SH3BP2: variants seen among roughly 807,000 people sequenced by gnomAD.
SH3BP2 encodes SH3 domain binding protein 2.
In SH3BP2, 38 loss-of-function variants were observed where a neutral mutation model predicts 56.2. That is an observed-to-expected ratio of 0.68 (90% CI 0.52 to 0.89). The LOEUF is 0.89. Among genes scored for constraint, SH3BP2 ranks in the 40% least tolerant of loss-of-function variants. The probability of loss-of-function intolerance (pLI) is 0.00; values close to 1 mark genes in which losing one functional copy is unlikely to be tolerated. For missense variants in SH3BP2, 748 were observed against 762.6 expected, an observed-to-expected ratio of 0.98 and a Z score of 0.23; for synonymous variants, 346 against 316.7, an observed-to-expected ratio of 1.09 and a Z score of -0.98.
At chr4:2,799,239 C>G (rs987106319) in intron 1 of SH3BP2, 1 of 985,444 alleles carries the variant, frequency 1.0e-6, no homozygotes, top group Non-Finnish European at 1.2e-6. Context: ...AATGCCTTCC[C>G]CTCGGGACCC....
rs766907808 is a variant in SH3BP2 at position 2,827,587 on chromosome 4, C to G, written c.518-19C>G. The G allele has an allele frequency of 3.8e-6, 6 of 1,578,022 alleles. No homozygotes were observed. Among genetic ancestry groups the G allele is most frequent in the South Asian group, 2.3e-5 (2 of 86,384 alleles). On this transcript the variant is annotated intron_variant, in intron 6 of 12. Coordinates refer to ENST00000503393, the MANE Select transcript of SH3BP2 (RefSeq NM_001122681.2). Reference sequence around the variant, plus strand: ...GCCTGGGCCGGTTTGGCTCTCACCACCCCCCTCTCCCCATGCAGACTATGA... The same window carrying G: ...GCCTGGGCCGGTTTGGCTCTCACCAGCCCCCTCTCCCCATGCAGACTATGA...
chr4:2,825,136 C>A lies in SH3BP2; in HGVS notation c.368C>A (p.Ala123Asp). 1 of 1,575,866 alleles carries A rather than the reference C, an allele frequency of 6.3e-7. No homozygotes were observed. ...CCCGCTGACCTGCAGAGCTGGATGG[C>A]CTTGCTGCGCAGGGAGATTGGCCAC... is the stretch of plus-strand genomic sequence containing the variant. ...SSEEERKSWM[A>D]LLRREIGHFH... The change falls in exon 5 of 13, where the codon GCC (alanine) becomes GAC (aspartate). Residue 123 changes from alanine (A) to aspartate (D), a missense_variant. Ala to Asp is a moderately radical substitution (Grantham distance 126, BLOSUM62 -2). This residue lies in a region of SH3BP2 where 635 missense variants were observed against 615.0 expected (regional missense o/e 1.03). Transcript: ENST00000503393.
intron 1 of SH3BP2, among the ~76,000 whole-genome samples, chr4:2,796,128 C>A (rs775529665): frequency 7.9e-5 from 12 of 152,208 alleles, no homozygotes; most frequent in Non-Finnish European, 1.5e-4. Flanking sequence ...GCGAATTGCA[C>A]TTCCTGACCC....
At position 2,836,614 on chromosome 4, in the gene SH3BP2, C is replaced by G. The variant is rs1725241890; in HGVS notation, c.*2780C>G. The G allele has an allele frequency of 6.6e-6, 1 of 152,470 alleles. No homozygotes were observed. Among genetic ancestry groups the G allele is most frequent in the Admixed American group, 6.5e-5 (1 of 15,302 alleles). 9.4% of individuals were successfully genotyped at this position (152,470 alleles called of 1,614,324 possible). ...CTCCCTGCCAGGCTCCCTGCCACCC[C>G]TCACGACCTCTGATGGTCGTTGTGG... On this transcript the variant is annotated 3_prime_UTR_variant, in exon 13 of 13. Coordinates refer to ENST00000503393, the MANE Select transcript of SH3BP2 (RefSeq NM_001122681.2).
chr4:2,823,026 T>G lies in SH3BP2; in HGVS notation c.228T>G (p.Ser76Arg). The G allele has an allele frequency of 1.1e-5, 18 of 1,613,128 alleles. No individual in the cohort carries two copies. The highest frequency in any genetic ancestry group is 1.4e-5 in the Non-Finnish European group (17 of 1,179,244). ...CCCCGCAGGGCGCCTTCTCCCTGAGTGGCTATAACCGGTAAGTGCCCGACC... is the reference window on the plus strand; with the variant it reads ...CCCCGCAGGGCGCCTTCTCCCTGAGGGGCTATAACCGGTAAGTGCCCGACC... ...SASPQGAFSLSGYNRVMRAAE... is the reference protein window; with the variant it reads ...SASPQGAFSLRGYNRVMRAAE... Residue 76 changes from serine to arginine, a missense_variant, in exon 3 of 13, where the codon AGT becomes AGG. Physicochemically the swap from Ser to Arg is moderately radical, Grantham distance 110. Coordinates refer to ENST00000503393, the MANE Select transcript of SH3BP2 (RefSeq NM_001122681.2).
chr4:2,824,900 C>A, intron 4 of SH3BP2, 170 bp downstream of exon 4: 1 of 674,010 alleles, frequency 1.5e-6, no homozygotes, highest in Non-Finnish European at 2.6e-6. Context: ...TGCCCCAGCT[C>A]CATCCCCATG....
At position 2,835,227 on chromosome 4, in the gene SH3BP2, C is replaced by T. The variant is rs1725190730; in HGVS notation, c.*1393C>T. ...TGACTGGGGGAGAAGGTCCTGCAGC[C>T]CCCTTCCCCTGGGTGTGTTCTGGGG... On this transcript the variant is annotated 3_prime_UTR_variant, in exon 13 of 13. Coordinates refer to ENST00000503393, the MANE Select transcript of SH3BP2 (RefSeq NM_001122681.2). The T allele has an allele frequency of 6.6e-6, 1 of 152,268 alleles. No individual in the cohort carries two copies. The highest frequency in any genetic ancestry group is 2.4e-5 in the African/African-American group (1 of 41,430). 9.4% of individuals were successfully genotyped at this position (152,268 alleles called of 1,614,324 possible).
rs944474299 is a variant in SH3BP2 at position 2,831,366 on chromosome 4, C to T, written c.1242-205C>T. On this transcript the variant is annotated intron_variant, in intron 8 of 12. Coordinates refer to ENST00000503393, the MANE Select transcript of SH3BP2 (RefSeq NM_001122681.2). This position sits in a 1 kb window ranked among gnomAD's most constrained non-coding sequence, Gnocchi z 4.1. The stretch of plus-strand genomic sequence containing the variant: ...CCATGGCAGCCCTGACCCCTGACTC[C>T]GGTGTCGGGCGATTCCTGCTGTCCC... Among the ~76,000 whole-genome samples the T allele has an allele frequency of 2.6e-5, 4 of 152,190 alleles. No homozygotes were observed. The highest frequency in any genetic ancestry group is 5.9e-5 in the Non-Finnish European group (4 of 68,026).
intron 8 of SH3BP2, 56 bp downstream of exon 8, chr4:2,830,203 G>C (rs1724910084): frequency 4.0e-6 from 6 of 1,502,054 alleles, no homozygotes; most frequent in Non-Finnish European, 5.4e-6. Context: ...CCCTGGCCTG[G>C]CCTCTGACGG....
At chr4:2,795,395 C>T (rs550321539) in intron 1 of SH3BP2, among the ~76,000 whole-genome samples, 1 of 152,336 alleles carries the variant, frequency 6.6e-6, no homozygotes, top group African/African-American at 2.4e-5. Context: ...CAGGCTCTGC[C>T]CTCCTCACTC....
At chr4:2,795,756 C>T (rs11722455) in intron 1 of SH3BP2, among the ~76,000 whole-genome samples, 23,912 of 152,016 alleles carry the variant, frequency 0.16, 2,001 homozygotes, top group African/African-American at 0.19. Context: ...ACCAGTTTGA[C>T]GGGAGTGGCC....
At chr4:2,819,282 C>T (rs560153765) in intron 1 of SH3BP2, among the ~76,000 whole-genome samples, 172 of 152,238 alleles carry the variant, frequency 1.1e-3, no homozygotes, top group Non-Finnish European at 1.3e-3. Flanking sequence ...TGCAGTGGTA[C>T]GATCATAGAC....
In SH3BP2 at chr4:2,833,812, A is replaced by G; in HGVS notation, c.1664A>G (p.Tyr555Cys). 5.7e-6 allele frequency: 9 copies of G among 1,583,082 alleles called. No homozygotes were observed. The highest frequency in any genetic ancestry group is 7.7e-6 in the Non-Finnish European group (9 of 1,164,882). Reference protein sequence around the residue: ...SHQSLLLRHPYGYTGPR With the variant: ...SHQSLLLRHPCGYTGPR ...CAGAGCCTGCTGCTGCGGCACCCCT[A>G]CGGCTACACTGGGCCTAGGTGATGG... The change falls in exon 13 of 13, where the codon TAC becomes TGC. Residue 555 changes from tyrosine (Y) to cysteine (C), a missense_variant. By Grantham distance (194) the Tyr-to-Cys change is radical. This residue lies in a region of SH3BP2 where 635 missense variants were observed against 615.0 expected (regional missense o/e 1.03). Transcript: ENST00000503393.
intron 1 of SH3BP2, among the ~76,000 whole-genome samples, chr4:2,807,678 C>T (rs767805934): frequency 2.6e-5 from 4 of 152,160 alleles, no homozygotes; most frequent in Admixed American, 6.5e-5. Context: ...AAGCAGGCGC[C>T]GCACCCCATC....
intron 1 of SH3BP2, among the ~76,000 whole-genome samples, chr4:2,804,520 G>C (rs1723448783): frequency 6.6e-6 from 1 of 152,222 alleles, no homozygotes; most frequent in Non-Finnish European, 1.5e-5. Context: ...GTGGGCTGGA[G>C]CCCCTGCTTC....
chr4:2,806,158 G>T (rs1311154552), intron 1 of SH3BP2, among the ~76,000 whole-genome samples: 1 of 152,230 alleles, frequency 6.6e-6, no homozygotes, highest in African/African-American at 2.4e-5. Context: ...GCTGACCACG[G>T]CTCTATTCTG....
chr4:2,815,644 C>T (rs551047183), intron 1 of SH3BP2, among the ~76,000 whole-genome samples: 2 of 152,208 alleles, frequency 1.3e-5, no homozygotes, highest in Non-Finnish European at 2.9e-5. Context: ...ACACACAGGC[C>T]AGGTCTTATA....
chr4:2,812,358 G>A, intron 1 of SH3BP2: 1 of 1,550,242 alleles, frequency 6.5e-7, no homozygotes. Flanking sequence ...TCACATGTCT[G>A]GGAGATGTAG....
chr4:2,808,674 G>A (rs944043601), intron 1 of SH3BP2, among the ~76,000 whole-genome samples: 3 of 152,046 alleles, frequency 2.0e-5, no homozygotes, highest in African/African-American at 4.8e-5. Context: ...GCTGTGGAGC[G>A]GACCCAGGCC....
Sources: allele counts gnomAD v4.1 joint callset (sites outside exome capture counted in the v4.1 genomes callset), GRCh38; gene constraint gnomAD v4.1.1; regional missense constraint gnomAD v4.1.1; non-coding constraint Gnocchi (gnomAD v3.1); transcripts MANE v1.5; gene names NCBI Gene and HGNC (gene_info 2026-07-23, HGNC 2026-07-21).